Variants in ERICH3 observed in about 807,000 individuals in gnomAD.
The protein encoded by ERICH3 is glutamate rich 3, also known as glutamate-rich protein 3.
In ERICH3, 126 loss-of-function variants were observed where a neutral mutation model predicts 131.1. The ratio of observed to expected loss-of-function variants is 0.96; its 90% confidence interval spans 0.83 to 1.11. ERICH3 has a LOEUF of 1.11. Ranked by LOEUF, ERICH3 falls within the 50% of genes most tolerant of loss-of-function variation. ERICH3 has a pLI of 0.00. For synonymous variants in ERICH3, 695 were observed against 644.6 expected, an observed-to-expected ratio of 1.08 and a Z score of -1.18; for missense variants, 2,050 against 1,810.7, an observed-to-expected ratio of 1.13 and a Z score of -2.40.
intron 10 of ERICH3, among the ~76,000 whole-genome samples, chr1:74,605,666 G>T (rs1330282595): frequency 1.3e-5 from 2 of 151,660 alleles, no homozygotes; most frequent in Non-Finnish European, 2.9e-5. Context: ...CTGGTCAGTG[G>T]AGCAGTCAGA....
chr1:74,597,630 G>A (rs923079105), intron 11 of ERICH3, among the ~76,000 whole-genome samples: 3 of 151,882 alleles, frequency 2.0e-5, no homozygotes, highest in Admixed American at 6.6e-5. Flanking sequence ...AGATATCATG[G>A]CACTAACCGA....
intron 1 of ERICH3, among the ~76,000 whole-genome samples, chr1:74,658,504 C>T (rs1646606498): frequency 6.6e-6 from 1 of 151,888 alleles, no homozygotes; most frequent in African/African-American, 2.4e-5. Context: ...CAACAAACAC[C>T]TAGTAGGTGG....
At chr1:74,657,371 C>T (rs1200077012) in intron 1 of ERICH3, among the ~76,000 whole-genome samples, 1 of 152,120 alleles carries the variant, frequency 6.6e-6, no homozygotes, top group African/African-American at 2.4e-5. Flanking sequence ...CAACTGACAT[C>T]AGGGCCAATT....
chr1:74,617,493 A>G (rs1225661163), intron 8 of ERICH3, among the ~76,000 whole-genome samples: 1 of 152,238 alleles, frequency 6.6e-6, no homozygotes, highest in Admixed American at 6.5e-5. Flanking sequence ...ATATCCATGT[A>G]ATGGAATATA....
At chr1:74,632,041 A>G in intron 6 of ERICH3, 113 bp from the exon 7 acceptor site, 1 of 912,074 alleles carries the variant, frequency 1.1e-6, no homozygotes, top group South Asian at 1.7e-5. Context: ...CACAACTGAT[A>G]TCAATAGACA....
At chr1:74,600,493 G>A (rs1025787879) in intron 10 of ERICH3, among the ~76,000 whole-genome samples, 3 of 151,718 alleles carry the variant, frequency 2.0e-5, no homozygotes, top group Admixed American at 6.6e-5. Flanking sequence ...TCTATATGTA[G>A]GCCAGAAATG....
chr1:74,589,042 T>C lies in ERICH3; in HGVS notation c.2176+589A>G, dbSNP rs199890402. Among the ~76,000 whole-genome samples the C allele has an allele frequency of 1.2e-4, 18 of 152,284 alleles. No homozygotes were observed. In the East Asian group the frequency reaches 3.5e-3, roughly 29 times the overall value. On this transcript the variant is annotated intron_variant, in intron 12 of 14. Transcript: ENST00000326665. ...AACAACTCTGCCTGAATTCATATCC[T>C]AGGAATGCCTCTTTTAGCTGTGTAA...
At chr1:74,667,915 A>G (rs760610890) in intron 1 of ERICH3, among the ~76,000 whole-genome samples, 1 of 152,062 alleles carries the variant, frequency 6.6e-6, no homozygotes, top group Non-Finnish European at 1.5e-5. Context: ...ACTTTCCCCC[A>G]CGCTGTTCTT....
chr1:74,579,589 G>C (rs1204183038), intron 12 of ERICH3: 1 of 985,202 alleles, frequency 1.0e-6, no homozygotes, highest in Non-Finnish European at 1.2e-6. Flanking sequence ...GACTTACTAG[G>C]TGTGAAACCA....
At chr1:74,581,909 G>A (rs903639421) in intron 12 of ERICH3, among the ~76,000 whole-genome samples, 5 of 152,182 alleles carry the variant, frequency 3.3e-5, no homozygotes, top group Non-Finnish European at 7.4e-5. Flanking sequence ...AGCTAGAGGA[G>A]AAAGGAAAGG....
chr1:74,674,115 T>G (rs1282877636), upstream of ERICH3, among the ~76,000 whole-genome samples: 1 of 152,110 alleles, frequency 6.6e-6, no homozygotes, highest in Non-Finnish European at 1.5e-5. Flanking sequence ...AAGAAGGACG[T>G]CTCTCAATCT....
At chr1:74,665,121 C>G (rs1235832308) in intron 1 of ERICH3, among the ~76,000 whole-genome samples, 1 of 151,924 alleles carries the variant, frequency 6.6e-6, no homozygotes, top group Non-Finnish European at 1.5e-5. Flanking sequence ...AAAAAAGAGA[C>G]CTCAGAAAGC....
Position 74,673,565 on chromosome 1 carries a change from G to A in ERICH3, c.-46C>T, listed in dbSNP as rs1358575092. 1.2e-6 allele frequency: 2 copies of A among 1,603,138 alleles called. No homozygotes were observed. Among genetic ancestry groups the A allele is most frequent in the Admixed American group, 1.7e-5 (1 of 58,980 alleles). On this transcript the variant is annotated 5_prime_UTR_variant, in exon 1 of 15. Coordinates refer to ENST00000326665, the MANE Select transcript of ERICH3 (RefSeq NM_001002912.5). ...ACCCCGCGGCAGGTGCGGAGGGTGG[G>A]TGCGTGGGGCCCCGTGCGCGCTGGC...
At chr1:74,643,134 A>G (rs371388378) in intron 3 of ERICH3, 36 bp from the exon 4 acceptor site, 16 of 1,529,844 alleles carry the variant, frequency 1.0e-5, no homozygotes, top group Middle Eastern at 3.4e-4. Context: ...AGAGAATCAT[A>G]TCAGTTATAG....
chr1:74,576,237 A>G (rs1348851502), intron 13 of ERICH3, among the ~76,000 whole-genome samples: 1 of 152,222 alleles, frequency 6.6e-6, no homozygotes, highest in African/African-American at 2.4e-5. Flanking sequence ...AGCCCTAATA[A>G]TCTTCCTTGT....
At chr1:74,640,014 A>T (rs2100632982) in intron 5 of ERICH3, among the ~76,000 whole-genome samples, 1 of 152,314 alleles carries the variant, frequency 6.6e-6, no homozygotes, top group Admixed American at 6.5e-5. Context: ...GGGCCACATG[A>T]AGAATCCTGG....
Position 74,572,568 on chromosome 1 carries a change from C to A in ERICH3, c.3142G>T (p.Glu1048Ter), listed in dbSNP as rs145428486. Residue 1048 changes from glutamate (E) to a stop codon, truncating the protein, a stop_gained, in exon 14 of 15, where the codon GAA becomes TAA. Transcript: ENST00000326665. LOFTEE classifies it high-confidence loss of function. ...AAATCTAATTCCTTGGGTAAAATTTCTTTCCTATCATCTTCCCTATTAGCT... is the reference window on the plus strand; with the variant it reads ...AAATCTAATTCCTTGGGTAAAATTTATTTCCTATCATCTTCCCTATTAGCT... ...AEANREDDRK[E>*]ILPKELDLAR... 17 of 1,614,042 alleles carry A rather than the reference C, an allele frequency of 1.1e-5. No individual in the cohort carries two copies. Among genetic ancestry groups the A allele is most frequent in the Non-Finnish European group, 1.4e-5 (17 of 1,179,994 alleles).
At chr1:74,606,961 T>G in intron 9 of ERICH3, 59 bp from the exon 10 acceptor site, 1 of 1,463,512 alleles carries the variant, frequency 6.8e-7, no homozygotes, top group African/African-American at 1.4e-5. Flanking sequence ...CAATGGAACC[T>G]CAAAGCTTTT....
chr1:74,580,122 A>T (rs1647151776), intron 12 of ERICH3, among the ~76,000 whole-genome samples: 1 of 152,112 alleles, frequency 6.6e-6, no homozygotes, highest in African/African-American at 2.4e-5. Context: ...GAAAATAATT[A>T]TCATAGTTTC....
Sources: gnomAD v4.1 joint callset for allele counts (sites outside exome capture counted in the v4.1 genomes callset) on GRCh38, gnomAD v4.1.1 for gene constraint, MANE v1.5 for transcripts, NCBI Gene and HGNC (gene_info 2026-07-23, HGNC 2026-07-21) for gene names.